Variants in DMTN observed in about 807,000 individuals in gnomAD.
The protein encoded by DMTN is dematin actin binding protein, also known as dematin.
DMTN carries 27 observed loss-of-function variants against 59.4 expected under a neutral mutation model. That is an observed-to-expected ratio of 0.45 (90% CI 0.33 to 0.63). The LOEUF (loss-of-function observed/expected upper bound fraction) is 0.63. Among genes scored for constraint, DMTN ranks in the 20% least tolerant of loss-of-function variants. The pLI, the probability that DMTN is intolerant of heterozygous loss-of-function variation, is 0.02. For missense variants in DMTN, 451 were observed against 528.9 expected, an observed-to-expected ratio of 0.85 and a Z score of 1.45; for synonymous variants, 221 against 203.7, an observed-to-expected ratio of 1.08 and a Z score of -0.72.
chr8:22,068,931 G>T, intron 4 of DMTN, 85 bp from the exon 5 acceptor site: 2 of 1,475,156 alleles, frequency 1.4e-6, no homozygotes, highest in Non-Finnish European at 1.9e-6. Context: ...GGCTTTGGGT[G>T]GGGGATGAGG....
At chr8:22,078,291 G>C (rs1250739207) in intron 10 of DMTN, among the ~76,000 whole-genome samples, 1 of 151,946 alleles carries the variant, frequency 6.6e-6, no homozygotes. Context: ...CCTGAGCCTG[G>C]GAGGCAGAGG....
chr8:22,066,495 G>T, intron 1 of DMTN: 1 of 161,150 alleles, frequency 6.2e-6, no homozygotes, highest in Non-Finnish European at 1.4e-5. Context: ...GCTGACCCCT[G>T]CCGTCATTTC....
At position 22,081,100 on chromosome 8, in the gene DMTN, C is replaced by T. The variant is rs374228646; in HGVS notation, c.1024-13C>T. The T allele has an allele frequency of 1.7e-5, 12 of 704,310 alleles. No homozygotes were observed. The highest frequency in any genetic ancestry group is 2.7e-4 in the Middle Eastern group (1 of 3,648). The allele number at this position is 704,310 out of a possible 1,614,324, so 43.6% of individuals were successfully genotyped here. A position where few individuals can be genotyped will look rare whatever the true frequency, so the allele number is the denominator to read the frequency against. On this transcript the variant is annotated splice_polypyrimidine_tract_variant and intron_variant, in intron 14 of 15. Coordinates refer to ENST00000358242, the MANE Select transcript of DMTN (RefSeq NM_001387751.1). ...TTCTGTGAGCCTAAGATTGCCCCTC[C>T]CCCCACCCCCAGATCTATCCCTATG...
Position 22,073,727 on chromosome 8 carries a change from C to T in DMTN, c.730-3C>T. 6.2e-7 allele frequency: 1 copy of T among 1,607,478 alleles called. No individual in the cohort carries two copies. The highest frequency in any genetic ancestry group is 8.5e-7 in the Non-Finnish European group (1 of 1,175,280). On this transcript the variant is annotated splice_polypyrimidine_tract_variant and splice_region_variant and intron_variant, in intron 9 of 15. Transcript: ENST00000358242. ...GGCTCCATCTTCCTTTCTCCCTCCT[C>T]AGGTTACTTCCAACTTGGGAAAGAT...
chr8:22,064,135 T>A (rs1169551043), intron 1 of DMTN, among the ~76,000 whole-genome samples: 1 of 151,846 alleles, frequency 6.6e-6, no homozygotes, highest in Admixed American at 6.6e-5. Context: ...GATGCAGGAA[T>A]GGATGGATGG....
intron 8 of DMTN, among the ~76,000 whole-genome samples, chr8:22,070,789 C>T (rs1814734524): frequency 6.6e-6 from 1 of 152,090 alleles, no homozygotes; most frequent in South Asian, 2.1e-4. Flanking sequence ...GAATACTGCA[C>T]GTTGTATCCA....
intron 10 of DMTN, among the ~76,000 whole-genome samples, chr8:22,078,432 C>CAT (rs1021598377): frequency 2.7e-5 from 4 of 148,538 alleles, no homozygotes; most frequent in African/African-American, 9.9e-5. Context: ...TGAATATATA[C>CAT]ATATATATGT....
chr8:22,067,823 A>G (rs1335620659), intron 4 of DMTN, 141 bp downstream of exon 4: 1 of 982,112 alleles, frequency 1.0e-6, no homozygotes, highest in African/African-American at 1.6e-5. Context: ...GGAACCAACC[A>G]GTCAGTCCAT....
rs1052947037 is a variant in DMTN, at chr8:22,082,181, C to T, written c.*718C>T. The T allele has an allele frequency of 4.4e-6, 2 of 456,770 alleles. No homozygotes were observed. Among genetic ancestry groups the T allele is most frequent in the African/African-American group, 4.0e-5 (2 of 50,092 alleles). The allele number at this position is 456,770 out of a possible 1,614,324, so 28.3% of individuals were successfully genotyped here. A position where few individuals can be genotyped will look rare whatever the true frequency, so the allele number is the denominator to read the frequency against. Reference sequence around the variant, plus strand: ...GCCAGGCACCGGGCAGAAGCTGGGCCTTCCGCCTCCCTTGGATGGGGTCAA... The same window carrying T: ...GCCAGGCACCGGGCAGAAGCTGGGCTTTCCGCCTCCCTTGGATGGGGTCAA... On this transcript the variant is annotated 3_prime_UTR_variant, in exon 16 of 16. Coordinates refer to ENST00000358242, the MANE Select transcript of DMTN (RefSeq NM_001387751.1).
chr8:22,067,047 C>G (rs758154201), intron 2 of DMTN, 38 bp from the exon 3 acceptor site: 3 of 1,562,732 alleles, frequency 1.9e-6, no homozygotes, highest in Admixed American at 1.8e-5. Context: ...CCCGCACACA[C>G]GCACGTGCCC....
intron 10 of DMTN, 90 bp downstream of exon 10, chr8:22,073,925 C>T: frequency 1.9e-6 from 2 of 1,031,682 alleles, no homozygotes; most frequent in Non-Finnish European, 1.5e-6. Flanking sequence ...ATACAGGATG[C>T]AATCCCTGAC....
At chr8:22,075,516 A>ATTTTTTT (rs386412281) in intron 10 of DMTN, among the ~76,000 whole-genome samples, 6,151 of 87,644 alleles carry the variant, frequency 0.07, 592 homozygotes, top group Admixed American at 0.1. Context: ...GCCCAGCTAA[A>ATTTTTTT]TTTTTTTTTT....
upstream of DMTN, among the ~76,000 whole-genome samples, chr8:22,049,622 G>C (rs1801139530): frequency 7.0e-6 from 1 of 143,186 alleles, no homozygotes; most frequent in Non-Finnish European, 1.5e-5. Flanking sequence ...AACACCCTCA[G>C]TGAGCGCTCT....
In DMTN at chr8:22,079,292, A is replaced by G. The variant is rs1390425462; in HGVS notation, c.836-888A>G. Among the ~76,000 whole-genome samples the G allele has an allele frequency of 6.1e-4, 45 of 73,470 alleles. 3 individuals carry two copies. Among genetic ancestry groups the G allele is most frequent in the South Asian group, 2.8e-3 (5 of 1,770 alleles). The allele number at this position is 73,470 out of a possible 152,430, so 48.2% of individuals were successfully genotyped here. A position where few individuals can be genotyped will look rare whatever the true frequency, so the allele number is the denominator to read the frequency against. ...TAAATAAATAAATATATATATATATATATATATATTAGCTGGGTTTGATGG... is the reference window on the plus strand; with the variant it reads ...TAAATAAATAAATATATATATATATGTATATATATTAGCTGGGTTTGATGG... On this transcript the variant is annotated intron_variant, in intron 10 of 15. Transcript: ENST00000358242.
chr8:22,069,328 G>A, intron 5 of DMTN, 91 bp from the exon 6 acceptor site: 1 of 1,162,786 alleles, frequency 8.6e-7, no homozygotes, highest in Non-Finnish European at 1.2e-6. Flanking sequence ...GGCCAGGATG[G>A]GAGGACAGAG....
intron 10 of DMTN, among the ~76,000 whole-genome samples, chr8:22,079,634 T>C (rs1255400147): frequency 6.6e-6 from 1 of 151,830 alleles, no homozygotes; most frequent in Non-Finnish European, 1.5e-5. Flanking sequence ...GCACGGTGTA[T>C]TTTTTAATAG....
upstream of DMTN, among the ~76,000 whole-genome samples, chr8:22,054,103 T>TAC (rs71916677): frequency 7.1e-3 from 1,056 of 148,410 alleles, 4 homozygotes; most frequent in African/African-American, 0.016. Context: ...CCACCACCAA[T>TAC]ACACACACAC....
Position 22,080,650 on chromosome 8 carries a change from G to C in DMTN, c.957+25G>C, listed in dbSNP as rs1586239874. On this transcript the variant is annotated intron_variant, in intron 13 of 15. Transcript: ENST00000358242. ...GGTGAGTGCCTCCTGGAGGGGAACA[G>C]GCAGAGCAGCAGAAGCTGGGTCCTG... 9 of 1,599,322 alleles carry C rather than the reference G, an allele frequency of 5.6e-6. No homozygotes were observed. In the East Asian group the frequency reaches 2.0e-4, roughly 36 times the overall value.
chr8:22,069,953 G>T lies in DMTN; in HGVS notation c.451+16G>T, dbSNP rs1449559270. 6.2e-7 allele frequency: 1 copy of T among 1,613,754 alleles called. No individual in the cohort carries two copies. The highest frequency in any genetic ancestry group is 2.2e-5 in the East Asian group (1 of 44,882). The stretch of plus-strand genomic sequence containing the variant: ...AAGCAGAGAGGTGAGGGCGCCCCTG[G>T]CTCACCAGAGCCTGCTTCCGGCTGC... On this transcript the variant is annotated intron_variant, in intron 7 of 15. Coordinates refer to ENST00000358242, the MANE Select transcript of DMTN (RefSeq NM_001387751.1).
Sources: gnomAD v4.1 joint callset for allele counts (sites outside exome capture counted in the v4.1 genomes callset) on GRCh38, gnomAD v4.1.1 for gene constraint, MANE v1.5 for transcripts, NCBI Gene and HGNC (gene_info 2026-07-23, HGNC 2026-07-21) for gene names.